PLA2G5: variants seen among roughly 807,000 people sequenced by gnomAD.
The protein encoded by PLA2G5 is phospholipase A2 group V.
Under a neutral mutation model 15.9 loss-of-function variants are expected in PLA2G5, and 12 were observed. That is an observed-to-expected ratio of 0.76 (90% CI 0.48 to 1.23). The LOEUF is 1.23. PLA2G5 is among the 50% of genes most tolerant of loss of function. PLA2G5 has a pLI of 0.00. For synonymous variants in PLA2G5, 71 were observed against 71.4 expected (o/e 0.99, Z 0.03); for missense variants, 169 against 177.1 (o/e 0.95, Z 0.26).
intron 1 of PLA2G5, among the ~76,000 whole-genome samples, chr1:20,052,606 A>G (rs2014227978): frequency 6.6e-6 from 1 of 152,180 alleles, no homozygotes; most frequent in Non-Finnish European, 1.5e-5. Context: ...AACTTTTGTA[A>G]TAACTTCGGA....
chr1:20,073,801 C>T (rs1048319828), intron 1 of PLA2G5, among the ~76,000 whole-genome samples: 2 of 149,990 alleles, frequency 1.3e-5, no homozygotes, highest in African/African-American at 4.9e-5. Flanking sequence ...ACCTGAGAGG[C>T]GGAGGTTGCA....
At chr1:20,029,386 C>T (rs937766312) in intron 1 of PLA2G5, among the ~76,000 whole-genome samples, 1 of 151,978 alleles carries the variant, frequency 6.6e-6, no homozygotes, top group East Asian at 1.9e-4. Context: ...CTGACATGTT[C>T]CTCCGCTGAT....
At chr1:20,028,813 T>C (rs1399641511) in intron 1 of PLA2G5, 3 of 152,206 alleles carry the variant, frequency 2.0e-5, no homozygotes, top group African/African-American at 7.2e-5. Context: ...GGATGTTTAG[T>C]CTGAAACAAG....
At chr1:20,046,128 A>C (rs1249042149) in intron 1 of PLA2G5, 1 of 152,198 alleles carries the variant, frequency 6.6e-6, no homozygotes, top group Non-Finnish European at 1.5e-5. Flanking sequence ...CTTCAGCCTG[A>C]GACCCATCCC....
At chr1:20,057,475 A>G (rs904606203) in intron 1 of PLA2G5, among the ~76,000 whole-genome samples, 1 of 151,848 alleles carries the variant, frequency 6.6e-6, no homozygotes, top group Non-Finnish European at 1.5e-5. Flanking sequence ...TATGGTATAT[A>G]TTTCTCCTTC....
intron 1 of PLA2G5, among the ~76,000 whole-genome samples, chr1:20,035,579 T>C (rs1213356966): frequency 6.6e-6 from 1 of 152,196 alleles, no homozygotes; most frequent in Non-Finnish European, 1.5e-5. Context: ...AATATCTTTT[T>C]CCACCCCTAT....
In PLA2G5 at chr1:20,035,538, T is replaced by A. The variant is rs180755167; in HGVS notation, n.276+6829T>A. Among the ~76,000 whole-genome samples, 28 of 152,302 alleles carry A rather than the reference T, an allele frequency of 1.8e-4. 1 individual carries two copies. Among genetic ancestry groups the A allele is most frequent in the Non-Finnish European group, 3.7e-4 (25 of 68,026 alleles). ...AACAATCTGATATAAGAATAGCTAT[T>A]CCTGCTTGCTTTTGGTGTCCATCTT... is the stretch of plus-strand genomic sequence containing the variant. On this transcript the variant is annotated intron_variant and non_coding_transcript_variant, in intron 1 of 6. Transcript: ENST00000460175.
At chr1:20,083,530 C>G (rs570247703) in intron 1 of PLA2G5, among the ~76,000 whole-genome samples, 5 of 151,968 alleles carry the variant, frequency 3.3e-5, no homozygotes, top group African/African-American at 9.7e-5. Context: ...AATCAGGCAG[C>G]TGCCGGCAAG....
At chr1:20,077,539 C>T (rs532977969) in intron 1 of PLA2G5, among the ~76,000 whole-genome samples, 1 of 152,236 alleles carries the variant, frequency 6.6e-6, no homozygotes, top group South Asian at 2.1e-4. Context: ...AGAGCCTACC[C>T]TCATGGAGTT....
intron 1 of PLA2G5, among the ~76,000 whole-genome samples, chr1:20,083,587 A>G (rs1029131485): frequency 1.3e-5 from 2 of 151,964 alleles, no homozygotes; most frequent in Admixed American, 6.5e-5. Flanking sequence ...CCTGAGACAC[A>G]TGGAATTTCC....
At chr1:20,037,126 C>T (rs1050331405) in intron 1 of PLA2G5, among the ~76,000 whole-genome samples, 1 of 152,136 alleles carries the variant, frequency 6.6e-6, no homozygotes, top group African/African-American at 2.4e-5. Flanking sequence ...TGTTAAAGAA[C>T]CTTGCTCTGT....
At chr1:20,076,104 C>A (rs2100564407) in intron 1 of PLA2G5, among the ~76,000 whole-genome samples, 1 of 152,234 alleles carries the variant, frequency 6.6e-6, no homozygotes, top group East Asian at 1.9e-4. Context: ...AACTCCTGAC[C>A]TCAATTCGGG....
chr1:20,044,369 T>TGGG (rs140128388), intron 1 of PLA2G5, among the ~76,000 whole-genome samples: 40 of 150,408 alleles, frequency 2.7e-4, no homozygotes, highest in South Asian at 8.4e-4. Flanking sequence ...ATTCCTGTTG[T>TGGG]GGGGGGGGTT....
intron 1 of PLA2G5, among the ~76,000 whole-genome samples, chr1:20,031,174 G>A (rs1028358817): frequency 1.3e-5 from 2 of 152,204 alleles, no homozygotes; most frequent in African/African-American, 4.8e-5. Context: ...GGTTGCAGTC[G>A]AGAGAATGGA....
At chr1:20,048,607 CT>C (rs1176668584) in intron 1 of PLA2G5, among the ~76,000 whole-genome samples, 2 of 152,162 alleles carry the variant, frequency 1.3e-5, no homozygotes, top group Non-Finnish European at 2.9e-5. Context: ...TATTTCAAAG[CT>C]AAACTATAAA....
chr1:20,041,949 T>C (rs1426369549), intron 1 of PLA2G5, among the ~76,000 whole-genome samples: 1 of 152,198 alleles, frequency 6.6e-6, no homozygotes, highest in Non-Finnish European at 1.5e-5. Flanking sequence ...TTGCAGTGAA[T>C]GACTCCAGCT....
intron 1 of PLA2G5, among the ~76,000 whole-genome samples, chr1:20,043,428 A>T (rs2100352949): frequency 6.6e-6 from 1 of 152,266 alleles, no homozygotes; most frequent in Middle Eastern, 3.4e-3. Flanking sequence ...GGGATGGAAT[A>T]TTGGCATTGA....
intron 1 of PLA2G5, among the ~76,000 whole-genome samples, chr1:20,076,517 A>G (rs567694731): frequency 6.6e-6 from 1 of 152,310 alleles, no homozygotes; most frequent in Non-Finnish European, 1.5e-5. Flanking sequence ...CAGATGGGTC[A>G]GGTGTACGAT....
At chr1:20,033,166 G>A (rs994041636) in intron 1 of PLA2G5, among the ~76,000 whole-genome samples, 53 of 152,296 alleles carry the variant, frequency 3.5e-4, no homozygotes, top group African/African-American at 1.0e-3. Context: ...GGTAGTATGG[G>A]GCTGGAGAGC....
Sources: gnomAD v4.1 joint callset for allele counts (sites outside exome capture counted in the v4.1 genomes callset) on GRCh38, gnomAD v4.1.1 for gene constraint, MANE v1.5 for transcripts, NCBI Gene and HGNC (gene_info 2026-07-23, HGNC 2026-07-21) for gene names.